DRC4: variants seen among roughly 807,000 people sequenced by gnomAD.
DRC4 encodes dynein regulatory complex subunit 4, also known as GAS-11.
the DRC4 span, chr16:90,031,473 G>T: frequency 1.3e-6 from 2 of 1,575,744 alleles, no homozygotes; most frequent in African/African-American, 1.3e-5. Flanking sequence ...AGAAGCCGAG[G>T]AGAGGCACCA....
the DRC4 span, among the ~76,000 whole-genome samples, chr16:90,027,483 G>T: frequency 6.6e-6 from 1 of 152,170 alleles, no homozygotes; most frequent in East Asian, 1.9e-4. Context: ...TGTGGTAAAG[G>T]GTGGGAACAC....
At chr16:90,032,292 T>G in the DRC4 span, among the ~76,000 whole-genome samples, 1 of 145,910 alleles carries the variant, frequency 6.9e-6, no homozygotes, top group Non-Finnish European at 1.5e-5. Flanking sequence ...TATGGACAGG[T>G]GAGGAGGTGT....
the DRC4 span, chr16:90,043,495 CTG>C: frequency 1.2e-6 from 1 of 824,852 alleles, no homozygotes; most frequent in African/African-American, 1.7e-5. Flanking sequence ...TTTCCTGGCT[CTG>C]TGGAGGAGAA....
chr16:90,042,506 C>T, the DRC4 span: 1 of 1,613,922 alleles, frequency 6.2e-7, no homozygotes, highest in South Asian at 1.1e-5. Flanking sequence ...CATCAAGGAC[C>T]TGCAGTATGA....
chr16:90,028,985 G>T, the DRC4 span: 1 of 1,305,120 alleles, frequency 7.7e-7, no homozygotes, highest in East Asian at 5.5e-5. Context: ...GAGAGGTGAT[G>T]GGGTCAGGTT....
At chr16:90,044,426 C>G in the DRC4 span, 6 of 455,424 alleles carry the variant, frequency 1.3e-5, no homozygotes, top group African/African-American at 1.2e-4. Flanking sequence ...TAAATGATGC[C>G]CGGCCAGCAG....
the DRC4 span, chr16:90,029,129 C>G: frequency 7.6e-7 from 1 of 1,313,330 alleles, no homozygotes; most frequent in East Asian, 5.3e-5. Context: ...GGGGCAGTGG[C>G]CATGGAGCCT....
chr16:90,034,241 C>T, the DRC4 span, among the ~76,000 whole-genome samples: 7 of 152,154 alleles, frequency 4.6e-5, no homozygotes, highest in African/African-American at 9.7e-5. Flanking sequence ...CTGAGAGTGC[C>T]GAAGTCTTGA....
chr16:90,031,267 A>C, the DRC4 span: 82 of 1,609,542 alleles, frequency 5.1e-5, no homozygotes, highest in Non-Finnish European at 6.8e-5. Flanking sequence ...GCCCCTGCTC[A>C]GTGCCTCACC....
chr16:90,031,400 G>T, the DRC4 span: 1 of 1,613,924 alleles, frequency 6.2e-7, no homozygotes, highest in Non-Finnish European at 8.5e-7. Flanking sequence ...CCTTCTGGGA[G>T]ATCACACGGA....
chr16:90,030,875 C>T, the DRC4 span, among the ~76,000 whole-genome samples: 1 of 152,206 alleles, frequency 6.6e-6, no homozygotes, highest in African/African-American at 2.4e-5. Flanking sequence ...ACCTCAGCCT[C>T]CCAGAGTGCT....
chr16:90,035,719 C>T, the DRC4 span: 1 of 1,614,114 alleles, frequency 6.2e-7, no homozygotes, highest in Non-Finnish European at 8.5e-7. Context: ...TGTGTAGGTG[C>T]CAGAGACACC....
chr16:90,023,719 C>T, the DRC4 span, among the ~76,000 whole-genome samples: 2 of 150,224 alleles, frequency 1.3e-5, no homozygotes, highest in African/African-American at 2.4e-5. Context: ...GGAGTCTGGG[C>T]GCGGTGGCTC....
the DRC4 span, chr16:90,022,804 G>A: frequency 3.2e-6 from 4 of 1,246,242 alleles, no homozygotes; most frequent in Non-Finnish European, 4.1e-6. Context: ...GGTACACGGA[G>A]ACCCTGGGAA....
chr16:90,035,909 A>G, the DRC4 span: 1 of 1,447,454 alleles, frequency 6.9e-7, no homozygotes, highest in African/African-American at 1.4e-5. Context: ...ATTACCACAC[A>G]CATTCCCACT....
chr16:90,031,144 C>A, the DRC4 span: 26 of 1,497,802 alleles, frequency 1.7e-5, no homozygotes, highest in Non-Finnish European at 2.3e-5. Context: ...TCCGGAGCTT[C>A]CTAGCCTTAT....
the DRC4 span, among the ~76,000 whole-genome samples, chr16:90,041,508 T>G: frequency 6.6e-6 from 1 of 151,732 alleles, no homozygotes; most frequent in South Asian, 2.1e-4. Context: ...TTTTTTCTGT[T>G]ACAAAAAAGT....
the DRC4 span, chr16:90,037,675 G>A: frequency 7.6e-7 from 1 of 1,315,230 alleles, no homozygotes. Context: ...ATTATTTTTG[G>A]CCTTGCCATC....
chr16:90,032,161 G>A, the DRC4 span, among the ~76,000 whole-genome samples: 1 of 150,586 alleles, frequency 6.6e-6, no homozygotes, highest in African/African-American at 2.5e-5. Context: ...TGTGGTGCAG[G>A]TGAGCAGGGG....
Sources: gnomAD v4.1 joint callset for allele counts (sites outside exome capture counted in the v4.1 genomes callset) on GRCh38, gnomAD v4.1.1 for gene constraint, MANE v1.5 for transcripts, NCBI Gene and HGNC (gene_info 2026-07-23, HGNC 2026-07-21) for gene names.